Variants in SLFN11 observed in about 807,000 individuals in gnomAD.
SLFN11 encodes schlafen family member 11.
SLFN11 carries 43 observed loss-of-function variants against 53.4 expected under a neutral mutation model. The observed-to-expected ratio is 0.80, with a 90% CI of 0.63 to 1.04. SLFN11 has a LOEUF of 1.04. SLFN11 is among the 50% of genes least tolerant of loss of function. The pLI is 0.00. For missense variants in SLFN11, 990 were observed against 1,079.1 expected (o/e 0.92, Z 1.16); for synonymous variants, 389 against 394.7 (o/e 0.99, Z 0.17).
chr17:35,354,075 A>C lies in SLFN11; in HGVS notation c.1199-16T>G. 6.4e-7 allele frequency: 1 copy of C among 1,558,208 alleles called. No individual in the cohort carries two copies. Among genetic ancestry groups the C allele is most frequent in the Non-Finnish European group, 8.7e-7 (1 of 1,152,470 alleles). ...CCTGGTGGGACTGTATGTGAAAAGA[A>C]TGATAAATTAGAGGAAGAGAAATAA... On this transcript the variant is annotated splice_polypyrimidine_tract_variant and intron_variant, in intron 5 of 6. Coordinates refer to ENST00000685675, the MANE Select transcript of SLFN11 (RefSeq NM_001376007.1).
chr17:35,365,946 A>G (rs1018997149), intron 3 of SLFN11, among the ~76,000 whole-genome samples: 2 of 152,142 alleles, frequency 1.3e-5, no homozygotes, highest in South Asian at 4.1e-4. Context: ...TTGGAGAATT[A>G]AGCCTTTAAC....
intron 5 of SLFN11, among the ~76,000 whole-genome samples, chr17:35,354,721 A>T (rs1907247819): frequency 6.6e-6 from 1 of 152,194 alleles, no homozygotes; most frequent in African/African-American, 2.4e-5. Flanking sequence ...ATTATGTGAC[A>T]CGAGAATATA....
chr17:35,361,165 G>A (rs1268415436), intron 4 of SLFN11, among the ~76,000 whole-genome samples: 1 of 152,056 alleles, frequency 6.6e-6, no homozygotes, highest in Non-Finnish European at 1.5e-5. Flanking sequence ...GTTCTCAGTT[G>A]TTCTAGAGAC....
In SLFN11 at chr17:35,362,759, A is replaced by G. The variant is rs758875135; in HGVS notation, c.1049T>C (p.Met350Thr). ...CSLTTEKWVG[M>T]MTDTDPDLLQ... ...CTTACCTGGATCTGTGTCTGTCATC[A>G]TGCCTACCCATTTCTCGGTTGTCAG... Residue 350 changes from methionine to threonine, a missense_variant, in exon 4 of 7, where the codon ATG becomes ACG. Physicochemically the swap from Met to Thr is moderately conservative, Grantham distance 81. This residue lies in a region of SLFN11 where 521 missense variants were observed against 516.2 expected (regional missense o/e 1.01). Coordinates refer to ENST00000685675, the MANE Select transcript of SLFN11 (RefSeq NM_001376007.1). 3.8e-6 allele frequency: 6 copies of G among 1,574,652 alleles called. No individual in the cohort carries two copies. The highest frequency in any genetic ancestry group is 5.2e-6 in the Non-Finnish European group (6 of 1,160,036).
At chr17:35,371,688 G>A (rs1465143235) in intron 1 of SLFN11, among the ~76,000 whole-genome samples, 1 of 152,016 alleles carries the variant, frequency 6.6e-6, no homozygotes, top group Non-Finnish European at 1.5e-5. Flanking sequence ...TTTCTCAAAA[G>A]AAGACAAATG....
At position 35,360,308 on chromosome 17, in the gene SLFN11, C is replaced by T. The variant is rs747157199; in HGVS notation, c.1133G>A (p.Ser378Asn). 3 of 1,610,480 alleles carry T rather than the reference C, an allele frequency of 1.9e-6. No individual in the cohort carries two copies. Among genetic ancestry groups the T allele is most frequent in the Non-Finnish European group, 2.5e-6 (3 of 1,178,952 alleles). The change falls in exon 5 of 7, where the codon AGC becomes AAC. Residue 378 changes from serine (S) to asparagine (N), a missense_variant. Ser to Asn is a conservative substitution (Grantham distance 46, BLOSUM62 1). This residue lies in a region of SLFN11 where 521 missense variants were observed against 516.2 expected (regional missense o/e 1.01). Coordinates refer to ENST00000685675, the MANE Select transcript of SLFN11 (RefSeq NM_001376007.1). ...GCCTTTCTTGGAGTACACTGGTCTG[C>T]TAAGGGGAGGCCCACTAGATAGACT... ...QLSLSSGPPL[S>N]RPVYSKKGLE...
At chr17:35,363,859 A>C (rs1337847755) in intron 3 of SLFN11, 33 bp from the exon 4 acceptor site, 5 of 1,458,752 alleles carry the variant, frequency 3.4e-6, no homozygotes, top group Non-Finnish European at 4.6e-6. Flanking sequence ...ACATGCATGC[A>C]ATTCATTTAT....
chr17:35,362,822 G>T lies in SLFN11; in HGVS notation c.986C>A (p.Pro329His), dbSNP rs746530312. The change falls in exon 4 of 7, where the codon CCC becomes CAC. Residue 329 changes from proline (P) to histidine (H), a missense_variant. Coordinates refer to ENST00000685675, the MANE Select transcript of SLFN11 (RefSeq NM_001376007.1). ...CTTGTCCTCCACTATCCATGAATTGGGAGCTTCTGAGAACACTGCACAGCA... is the reference window on the plus strand; with the variant it reads ...CTTGTCCTCCACTATCCATGAATTGTGAGCTTCTGAGAACACTGCACAGCA... ...PFCCAVFSEA[P>H]NSWIVEDKYV... 6.2e-7 allele frequency: 1 copy of T among 1,613,010 alleles called. No homozygotes were observed. Among genetic ancestry groups the T allele is most frequent in the South Asian group, 1.1e-5 (1 of 90,996 alleles).
chr17:35,365,760 T>G (rs1567826406), intron 3 of SLFN11, among the ~76,000 whole-genome samples: 1 of 152,092 alleles, frequency 6.6e-6, no homozygotes, highest in South Asian at 2.1e-4. Flanking sequence ...CAAAGCATGA[T>G]GATAAATTTA....
intron 4 of SLFN11, among the ~76,000 whole-genome samples, chr17:35,362,015 T>C (rs963698474): frequency 1.4e-4 from 21 of 152,072 alleles, no homozygotes; most frequent in African/African-American, 5.1e-4. Flanking sequence ...ATTAGAGGCA[T>C]GAGCCACCAA....
intron 1 of SLFN11, among the ~76,000 whole-genome samples, chr17:35,368,180 C>T (rs1909205422): frequency 6.6e-6 from 1 of 152,006 alleles, no homozygotes. Context: ...CCCATCTCCC[C>T]TAGATCACAG....
intron 5 of SLFN11, among the ~76,000 whole-genome samples, chr17:35,358,929 G>T (rs62079545): frequency 0.025 from 3,834 of 151,990 alleles, 63 homozygotes; most frequent in South Asian, 0.052. Flanking sequence ...GAGGTGAGAG[G>T]ATCACTTGAG....
intron 2 of SLFN11, 122 bp downstream of exon 2, chr17:35,367,481 T>C (rs1185573755): frequency 6.6e-6 from 1 of 152,106 alleles, no homozygotes; most frequent in East Asian, 1.9e-4. Context: ...AAATCCTAAA[T>C]AAAATTAAAC....
At chr17:35,356,797 T>TACACACACACAC (rs61566848) in intron 5 of SLFN11, among the ~76,000 whole-genome samples, 2,938 of 140,084 alleles carry the variant, frequency 0.021, 66 homozygotes, top group African/African-American at 0.053. Flanking sequence ...ATATGTAGCA[T>TACACACACACAC]ACACACACAC....
In SLFN11 at chr17:35,350,541, C is replaced by T. The variant is rs1272623803; in HGVS notation, c.*1815G>A. On this transcript the variant is annotated 3_prime_UTR_variant, in exon 7 of 7. Coordinates refer to ENST00000685675, the MANE Select transcript of SLFN11 (RefSeq NM_001376007.1). ...TCGAAATTAGACTTTTAAAGAATTA[C>T]TCTCAAAGACATTGCAACAACTCCA... 2 of 152,140 alleles carry T rather than the reference C, an allele frequency of 1.3e-5. No homozygotes were observed. Among genetic ancestry groups the T allele is most frequent in the African/African-American group, 2.4e-5 (1 of 41,420 alleles). 9.4% of individuals were successfully genotyped at this position (152,140 alleles called of 1,614,324 possible).
intron 1 of SLFN11, among the ~76,000 whole-genome samples, 169 bp downstream of exon 1, chr17:35,373,305 C>G (rs1021533555): frequency 1.6e-4 from 24 of 147,914 alleles, no homozygotes; most frequent in African/African-American, 5.7e-4. Context: ...CCATAGTCCG[C>G]TTTTTAGGGA....
In SLFN11 at chr17:35,351,308, C is replaced by T. The variant is rs1906645412; in HGVS notation, c.*1048G>A. 2 of 152,152 alleles carry T rather than the reference C, an allele frequency of 1.3e-5. No individual in the cohort carries two copies. The highest frequency in any genetic ancestry group is 2.1e-4 in the South Asian group (1 of 4,820). The allele number at this position is 152,152 out of a possible 1,614,324, so 9.4% of individuals were successfully genotyped here. ...AGAGCCCCACCATGACTTCATGTAACCTTAATTACTTCCTTAGCAGCCCCA... is the reference window on the plus strand; with the variant it reads ...AGAGCCCCACCATGACTTCATGTAATCTTAATTACTTCCTTAGCAGCCCCA... On this transcript the variant is annotated 3_prime_UTR_variant, in exon 7 of 7. Coordinates refer to ENST00000685675, the MANE Select transcript of SLFN11 (RefSeq NM_001376007.1).
chr17:35,369,670 G>T (rs1909412697), intron 1 of SLFN11, among the ~76,000 whole-genome samples: 2 of 152,048 alleles, frequency 1.3e-5, no homozygotes, highest in South Asian at 4.1e-4. Flanking sequence ...AATGAAATCA[G>T]AGATGAAAAA....
Position 35,352,436 on chromosome 17 carries a change from C to T in SLFN11, c.2626G>A (p.Ala876Thr), listed in dbSNP as rs1273995360. The change falls in exon 7 of 7, where the codon GCT (alanine) becomes ACT (threonine). Residue 876 changes from alanine to threonine, a missense_variant. Around this residue, in one of 3 missense-constraint regions of SLFN11, gnomAD observed 313 missense variants for 320.9 expected, o/e 0.98. Transcript: ENST00000685675. The part of the protein sequence containing the change: ...FGIHPRTADP[A>T]ILPNVLICLA... Reference sequence around the variant, plus strand: ...CAGATCAGAACATTGGGTAAGATAGCTGGGTCAGCTGTCCTTGGATGGATC... The same window carrying T: ...CAGATCAGAACATTGGGTAAGATAGTTGGGTCAGCTGTCCTTGGATGGATC... 1 of 1,614,248 alleles carries T rather than the reference C, an allele frequency of 6.2e-7. No homozygotes were observed. Among genetic ancestry groups the T allele is most frequent in the East Asian group, 2.2e-5 (1 of 44,892 alleles).
Sources: allele counts gnomAD v4.1 joint callset (sites outside exome capture counted in the v4.1 genomes callset), GRCh38; gene constraint gnomAD v4.1.1; regional missense constraint gnomAD v4.1.1; transcripts MANE v1.5; gene names NCBI Gene and HGNC (gene_info 2026-07-23, HGNC 2026-07-21).